FRMPD1: variants seen among roughly 807,000 people sequenced by gnomAD.
FRMPD1 encodes the protein FERM and PDZ domain-containing protein 1.
Under a neutral mutation model 117.8 loss-of-function variants are expected in FRMPD1, and 76 were observed. The observed-to-expected ratio is 0.65, with a 90% confidence interval of 0.54 to 0.78. The LOEUF (loss-of-function observed/expected upper bound fraction) is 0.78, where lower values mean the gene tolerates loss of function less well. Ranked by LOEUF, FRMPD1 falls within the 30% of genes least tolerant of loss-of-function variation. The pLI is 0.00. For missense variants in FRMPD1, 1,786 were observed against 1,964.5 expected (o/e 0.91, Z 1.72); for synonymous variants, 783 against 770.4 (o/e 1.02, Z -0.27).
intron 1 of FRMPD1, among the ~76,000 whole-genome samples, chr9:37,657,237 A>G (rs1057289253): frequency 6.6e-6 from 1 of 152,130 alleles, no homozygotes; most frequent in East Asian, 1.9e-4. Flanking sequence ...ATTAAAACCA[A>G]CGATAACAAT....
chr9:37,683,312 C>G (rs1296801966), intron 1 of FRMPD1, among the ~76,000 whole-genome samples: 1 of 152,208 alleles, frequency 6.6e-6, no homozygotes, highest in Non-Finnish European at 1.5e-5. Flanking sequence ...GCTCACACTA[C>G]CTCAGAAAAA....
At chr9:37,618,359 T>A in the FRMPD1 span, among the ~76,000 whole-genome samples, 1 of 152,182 alleles carries the variant, frequency 6.6e-6, no homozygotes, top group Non-Finnish European at 1.5e-5. Context: ...ACTCAGCCCC[T>A]GACCCAAGAG....
At chr9:37,655,920 A>G (rs1054532261) in intron 1 of FRMPD1, among the ~76,000 whole-genome samples, 1 of 152,070 alleles carries the variant, frequency 6.6e-6, no homozygotes, top group Admixed American at 6.6e-5. Context: ...GGCTAAGCTC[A>G]AATCCTACCA....
upstream of FRMPD1, among the ~76,000 whole-genome samples, chr9:37,649,629 A>T (rs1328797826): frequency 6.6e-6 from 1 of 152,178 alleles, no homozygotes; most frequent in Non-Finnish European, 1.5e-5. Flanking sequence ...TTGGCTCCAA[A>T]GTGCTGCTAG....
chr9:37,633,971 C>A, the FRMPD1 span, among the ~76,000 whole-genome samples: 41 of 152,202 alleles, frequency 2.7e-4, no homozygotes, highest in Admixed American at 3.3e-4. Context: ...AAAGGAATGG[C>A]AGTCTCCTGC....
Position 37,719,783 on chromosome 9 carries a change from G to C in FRMPD1, c.516+607G>C, listed in dbSNP as rs1042160811. Among the ~76,000 whole-genome samples the C allele has an allele frequency of 2.0e-5, 3 of 152,212 alleles. 1 individual carries two copies. The highest frequency in any genetic ancestry group is 1.3e-4 in the Admixed American group (2 of 15,270). On this transcript the variant is annotated intron_variant, in intron 6 of 15. Transcript: ENST00000377765. Reference sequence around the variant, plus strand: ...GTTTTTCACTATGACGTGCTGTCTAGTCCTTTTTGATATGGAGGGACCCAG... The same window carrying C: ...GTTTTTCACTATGACGTGCTGTCTACTCCTTTTTGATATGGAGGGACCCAG...
chr9:37,606,685 T>G, the FRMPD1 span, among the ~76,000 whole-genome samples: 1 of 152,146 alleles, frequency 6.6e-6, no homozygotes, highest in Non-Finnish European at 1.5e-5. Flanking sequence ...CAAAAAAGAT[T>G]CCCTTTAAAC....
the FRMPD1 span, among the ~76,000 whole-genome samples, chr9:37,643,810 T>A: frequency 1.3e-5 from 2 of 152,158 alleles, no homozygotes; most frequent in Non-Finnish European, 2.9e-5. Flanking sequence ...GCTTCTCCAG[T>A]GGCCTGGTGG....
intron 1 of FRMPD1, among the ~76,000 whole-genome samples, chr9:37,670,484 G>A (rs1041163274): frequency 2.0e-5 from 3 of 152,124 alleles, no homozygotes; most frequent in African/African-American, 7.2e-5. Context: ...TTTGGGCGTG[G>A]GTAAATAACA....
At chr9:37,692,195 C>T (rs983496877) in intron 1 of FRMPD1, among the ~76,000 whole-genome samples, 8 of 152,138 alleles carry the variant, frequency 5.3e-5, no homozygotes, top group Non-Finnish European at 7.3e-5. Context: ...AAAGCAGCAG[C>T]GCTCAGAGGA....
Position 37,746,653 on chromosome 9 carries a change from A to G in FRMPD1, c.4621A>G (p.Thr1541Ala), listed in dbSNP as rs1233020139. 2.6e-5 allele frequency: 42 copies of G among 1,613,914 alleles called. No individual in the cohort carries two copies. Among genetic ancestry groups the G allele is most frequent in the Non-Finnish European group, 3.6e-5 (42 of 1,179,924 alleles). ...TCAGTTTATAGAGGCTGCTAAATCG[A>G]CCTGCGAGAGAGGCTACCACGACCT... ...YHQFIEAAKS[T>A]CERGYHDLSV... Residue 1541 changes from threonine (T) to alanine (A), a missense_variant, in exon 16 of 16, where the codon ACC becomes GCC. Physicochemically the swap from Thr to Ala is moderately conservative, Grantham distance 58. Coordinates refer to ENST00000377765, the MANE Select transcript of FRMPD1 (RefSeq NM_014907.3).
chr9:37,649,089 A>T (rs1280844398), upstream of FRMPD1, among the ~76,000 whole-genome samples: 1 of 152,126 alleles, frequency 6.6e-6, no homozygotes, highest in Non-Finnish European at 1.5e-5. Context: ...TAGGAAATGG[A>T]GGGGGACAGG....
chr9:37,738,475 G>A (rs1307577886), intron 14 of FRMPD1, among the ~76,000 whole-genome samples: 1 of 152,128 alleles, frequency 6.6e-6, no homozygotes, highest in Non-Finnish European at 1.5e-5. Flanking sequence ...AAGTAGCTGA[G>A]ATTACAGACA....
intron 1 of FRMPD1, among the ~76,000 whole-genome samples, chr9:37,672,792 G>C (rs1241304494): frequency 2.6e-5 from 4 of 152,088 alleles, no homozygotes; most frequent in African/African-American, 9.7e-5. Flanking sequence ...AAAATAAGGA[G>C]GAAGCAAAAG....
intron 15 of FRMPD1, 139 bp downstream of exon 15, chr9:37,741,023 A>G: frequency 2.9e-6 from 2 of 678,556 alleles, no homozygotes; most frequent in Admixed American, 4.8e-5. Context: ...AGGTAGATAC[A>G]GATTCCATGG....
chr9:37,676,997 A>G (rs1821551982), intron 1 of FRMPD1, among the ~76,000 whole-genome samples: 1 of 152,220 alleles, frequency 6.6e-6, no homozygotes, highest in African/African-American at 2.4e-5. Context: ...AGGAAAGAGG[A>G]TCTAATGGAA....
At chr9:37,666,992 T>C (rs1263504249) in intron 1 of FRMPD1, among the ~76,000 whole-genome samples, 2 of 151,556 alleles carry the variant, frequency 1.3e-5, no homozygotes, top group Admixed American at 6.6e-5. Context: ...TTCATAGCTG[T>C]GTATTAAAAA....
At chr9:37,617,220 C>T in the FRMPD1 span, among the ~76,000 whole-genome samples, 1 of 152,032 alleles carries the variant, frequency 6.6e-6, no homozygotes, top group African/African-American at 2.4e-5. Context: ...ACTTTTTTCC[C>T]TTTATGCCAT....
chr9:37,612,524 T>A, the FRMPD1 span, among the ~76,000 whole-genome samples: 2 of 148,960 alleles, frequency 1.3e-5, no homozygotes, highest in Non-Finnish European at 3.0e-5. Context: ...AATTTTTTTT[T>A]TTTTTTTTTT....
Sources: gnomAD v4.1 joint callset for allele counts (sites outside exome capture counted in the v4.1 genomes callset) on GRCh38, gnomAD v4.1.1 for gene constraint, MANE v1.5 for transcripts, NCBI Gene and HGNC (gene_info 2026-07-23, HGNC 2026-07-21) for gene names.